Variants in DCDC1 observed in about 807,000 individuals in gnomAD.
DCDC1 encodes the protein doublecortin domain containing 1.
A neutral mutation model predicts 178.3 loss-of-function variants in DCDC1; 200 were observed. The ratio of observed to expected loss-of-function variants is 1.12; its 90% CI spans 1.00 to 1.26. DCDC1 has a LOEUF of 1.26. Ranked by LOEUF, DCDC1 falls within the 50% of genes most tolerant of loss-of-function variation. The pLI is 0.00. For synonymous variants in DCDC1, 690 were observed against 604.8 expected, an observed-to-expected ratio of 1.14 and a Z score of -2.07; for missense variants, 1,983 against 1,749.2, an observed-to-expected ratio of 1.13 and a Z score of -2.38.
intron 9 of DCDC1, among the ~76,000 whole-genome samples, chr11:31,144,587 A>G (rs1194790039): frequency 1.3e-5 from 2 of 152,054 alleles, no homozygotes; most frequent in African/African-American, 4.8e-5. Context: ...TCATCCATCA[A>G]ATTTTTTGAC....
intron 11 of DCDC1, among the ~76,000 whole-genome samples, chr11:31,110,881 G>A (rs1419653555): frequency 1.3e-5 from 2 of 152,132 alleles, no homozygotes; most frequent in Non-Finnish European, 2.9e-5. Flanking sequence ...TTGCATAACA[G>A]TGTGATGAAA....
chr11:31,289,882 C>G (rs2761589), intron 7 of DCDC1, among the ~76,000 whole-genome samples: 106,534 of 151,812 alleles, frequency 0.7, 38,853 homozygotes, highest in African/African-American at 0.9. Flanking sequence ...CAAGATTCAA[C>G]CCTAGGCGTT....
intron 1 of DCDC1, among the ~76,000 whole-genome samples, chr11:31,356,922 A>C (rs1951408149): frequency 6.6e-6 from 1 of 152,322 alleles, no homozygotes; most frequent in African/African-American, 2.4e-5. Context: ...CAACAACAGG[A>C]GCTGAAATTG....
At chr11:30,982,820 A>G (rs1044463655) in intron 20 of DCDC1, among the ~76,000 whole-genome samples, 3 of 152,126 alleles carry the variant, frequency 2.0e-5, no homozygotes, top group Non-Finnish European at 4.4e-5. Flanking sequence ...ACAGCATCCA[A>G]TGCGGCCCCA....
rs149365976 is a variant in DCDC1, at chr11:31,033,739, G to A, written c.2591+30730C>T. On this transcript the variant is annotated intron_variant, in intron 20 of 38. Transcript: ENST00000684477. ...AGTAGTCCCATAAGATCATAATTGA[G>A]CTGAAAAATTCTTATCACTTAAGTG... is the stretch of plus-strand genomic sequence containing the variant. Among the ~76,000 whole-genome samples, 1,344 of 152,248 alleles carry A rather than the reference G, an allele frequency of 8.8e-3. 64 individuals are homozygous for A. The highest frequency in any genetic ancestry group is 0.081 in the Admixed American group (1,232 of 15,284).
intron 1 of DCDC1, among the ~76,000 whole-genome samples, chr11:31,354,915 A>T (rs1951255071): frequency 6.6e-6 from 1 of 150,430 alleles, no homozygotes; most frequent in Admixed American, 6.6e-5. Flanking sequence ...GTATTTCCTT[A>T]TTTTTTTTCC....
At position 31,319,297 on chromosome 11, in the gene DCDC1, C is replaced by T. The variant is rs1271410996; in HGVS notation, c.164+8820G>A. On this transcript the variant is annotated intron_variant, in intron 3 of 38. Transcript: ENST00000684477. ...ATTATTAATGTGTGGGAGTCTAAGT[C>T]TCTTTGTAGGTCACTGAGGACTTGC... is the stretch of plus-strand genomic sequence containing the variant. Among the ~76,000 whole-genome samples the T allele has an allele frequency of 1.6e-4, 6 of 36,834 alleles. 1 individual carries two copies. The East Asian group carries it at 2.2e-3, about 14-fold the overall frequency. 24.2% of individuals were successfully genotyped at this position (36,834 alleles called of 152,430 possible).
intron 36 of DCDC1, among the ~76,000 whole-genome samples, chr11:30,888,079 A>G (rs1943370020): frequency 8.4e-6 from 1 of 119,424 alleles, no homozygotes; most frequent in Non-Finnish European, 1.8e-5. Flanking sequence ...AGAGAGAGAG[A>G]GAGAGAAAGA....
chr11:31,212,851 A>G (rs1330242861), intron 9 of DCDC1, among the ~76,000 whole-genome samples: 1 of 152,216 alleles, frequency 6.6e-6, no homozygotes, highest in Non-Finnish European at 1.5e-5. Context: ...ATTAACTGCA[A>G]TGCAGCAATG....
At chr11:31,000,800 T>G (rs1280041192) in intron 20 of DCDC1, among the ~76,000 whole-genome samples, 2 of 152,042 alleles carry the variant, frequency 1.3e-5, no homozygotes, top group African/African-American at 2.4e-5. Context: ...AGTATGTAAA[T>G]TTTACTTTTT....
At chr11:31,222,088 A>T (rs1974339104) in intron 9 of DCDC1, among the ~76,000 whole-genome samples, 1 of 152,150 alleles carries the variant, frequency 6.6e-6, no homozygotes, top group Non-Finnish European at 1.5e-5. Flanking sequence ...TTTGAAACAA[A>T]GTCTCACTCT....
chr11:31,176,983 A>G (rs969173850), intron 9 of DCDC1, among the ~76,000 whole-genome samples: 1 of 152,184 alleles, frequency 6.6e-6, no homozygotes, highest in African/African-American at 2.4e-5. Context: ...ATAGAAGTAA[A>G]TTCATAAATC....
intron 34 of DCDC1, among the ~76,000 whole-genome samples, chr11:30,897,904 C>T (rs537651408): frequency 5.3e-5 from 8 of 152,112 alleles, no homozygotes; most frequent in African/African-American, 1.9e-4. Context: ...GTGGGATAAA[C>T]CACATTACCC....
At chr11:31,216,708 A>G (rs1973614100) in intron 9 of DCDC1, among the ~76,000 whole-genome samples, 2 of 152,312 alleles carry the variant, frequency 1.3e-5, no homozygotes, top group African/African-American at 4.8e-5. Context: ...AGATAAGCCC[A>G]GACAGTACTA....
chr11:31,148,548 G>A (rs10835747), intron 9 of DCDC1, among the ~76,000 whole-genome samples: 33,731 of 151,940 alleles, frequency 0.22, 4,742 homozygotes, highest in East Asian at 0.39. Flanking sequence ...GTTTCTTTAA[G>A]TGCTAAGTAA....
rs182242051 is a variant in DCDC1, at chr11:30,912,804, A to T, written c.3654-1384T>A. 2.6e-5 allele frequency among the ~76,000 whole-genome samples: 4 copies of T among 152,270 alleles called. 1 individual carries two copies. Among genetic ancestry groups the T allele is most frequent in the African/African-American group, 9.6e-5 (4 of 41,550 alleles). ...CTTCAGCCATAGGGTGATATATATT[A>T]TATACATATGTAATGTACATGGGTA... On this transcript the variant is annotated intron_variant, in intron 27 of 38. Transcript: ENST00000684477.
intron 9 of DCDC1, among the ~76,000 whole-genome samples, chr11:31,174,366 G>A (rs1967689220): frequency 6.6e-6 from 1 of 152,196 alleles, no homozygotes; most frequent in Non-Finnish European, 1.5e-5. Flanking sequence ...TGACATGCCA[G>A]CCCCCTGCCA....
intron 8 of DCDC1, among the ~76,000 whole-genome samples, chr11:31,249,560 A>G (rs1943822407): frequency 6.6e-6 from 1 of 152,178 alleles, no homozygotes; most frequent in South Asian, 2.1e-4. Flanking sequence ...CCCTGGAACC[A>G]AGGAAAAGTC....
intron 8 of DCDC1, among the ~76,000 whole-genome samples, chr11:31,264,108 G>A (rs1303978282): frequency 6.6e-6 from 1 of 152,138 alleles, no homozygotes; most frequent in Admixed American, 6.5e-5. Context: ...AGAGTAGATA[G>A]TTTAATTCAT....
Sources: gnomAD v4.1 joint callset for allele counts (sites outside exome capture counted in the v4.1 genomes callset) on GRCh38, gnomAD v4.1.1 for gene constraint, MANE v1.5 for transcripts, NCBI Gene and HGNC (gene_info 2026-07-23, HGNC 2026-07-21) for gene names.